Variants in NKX6-3 observed in about 807,000 individuals in gnomAD.
NKX6-3 encodes the protein NK6 homeobox 3.
Under a neutral mutation model 22.0 loss-of-function variants are expected in NKX6-3, and 17 were observed. The observed-to-expected ratio is 0.77, with a 90% confidence interval of 0.53 to 1.16. The LOEUF (loss-of-function observed/expected upper bound fraction) is 1.16. Ranked by LOEUF, NKX6-3 falls within the 50% of genes most tolerant of loss-of-function variation. The pLI, the probability that NKX6-3 is intolerant of heterozygous loss-of-function variation, is 0.00. For missense variants in NKX6-3, 363 were observed against 359.0 expected (o/e 1.01, Z -0.09); for synonymous variants, 177 against 167.2 (o/e 1.06, Z -0.45).
chr8:41,647,401 A>G (rs1233892849), intron 2 of NKX6-3: 1 of 1,517,394 alleles, frequency 6.6e-7, no homozygotes, highest in African/African-American at 1.4e-5. Context: ...AAAGTGGGGA[A>G]AGTTGCCCCC....
chr8:41,647,914 G>A (rs922826062), intron 2 of NKX6-3, among the ~76,000 whole-genome samples, 152 bp downstream of exon 2: 3 of 152,196 alleles, frequency 2.0e-5, no homozygotes, highest in African/African-American at 7.2e-5. Context: ...ATTACCACAG[G>A]CTCCAGGGTT....
intron 2 of NKX6-3, chr8:41,647,068 T>A: frequency 9.5e-7 from 1 of 1,047,292 alleles, no homozygotes; most frequent in Non-Finnish European, 1.4e-6. Flanking sequence ...GGAAGGTGCT[T>A]ATGAGCAGTC....
In NKX6-3 at chr8:41,646,599, G is replaced by A. The variant is rs773487001; in HGVS notation, c.648C>T (p.Gly216=). 1 of 1,570,734 alleles carries A rather than the reference G, an allele frequency of 6.4e-7. No homozygotes were observed. Among genetic ancestry groups the A allele is most frequent in the South Asian group, 1.2e-5 (1 of 86,048 alleles). ...CCGAGGGTGCGCGGTCCCCGCCTGC[G>A]CCTGCACCCGCGCCGCCCGGGGCCC... ...TPRAPGGAGA[G]AGGDRAPSEN... is the part of the protein sequence containing the mutation. Residue 216 remains glycine (G), a synonymous_variant, in exon 3 of 3, where the codon GGC becomes GGT. Transcript: ENST00000518699.
chr8:41,647,215 A>G (rs1042541899), intron 2 of NKX6-3: 3 of 1,612,926 alleles, frequency 1.9e-6, no homozygotes, highest in Admixed American at 3.3e-5. Context: ...AAAGACATGC[A>G]GGAGTGTCTG....
At chr8:41,648,026 C>T (rs1804247057) in intron 2 of NKX6-3, 40 bp downstream of exon 2, 1 of 1,490,102 alleles carries the variant, frequency 6.7e-7, no homozygotes, top group South Asian at 1.3e-5. Context: ...CCGGCAGGCT[C>T]CTCCCTGCAG....
chr8:41,650,215 TG>T lies in NKX6-3; in HGVS notation c.277del (p.Gln93ArgfsTer2). The T allele has an allele frequency of 1.3e-6, 2 of 1,534,052 alleles. No individual in the cohort carries two copies. On this transcript the variant is annotated frameshift_variant, in exon 1 of 3. Transcript: ENST00000518699. LOFTEE classifies it high-confidence loss of function. ...CCCAGCCTTGGAAAAATTCCCTACC[TG>T]GGGGCTGTAGTAGACCCCCTGCGAG... ...LSSQGVYYSP[Q>X]VGNFSKAGNE...
chr8:41,647,744 C>CCCAGCTCTG (rs1222737234), intron 2 of NKX6-3, among the ~76,000 whole-genome samples: 1 of 152,044 alleles, frequency 6.6e-6, no homozygotes, highest in Non-Finnish European at 1.5e-5. Context: ...GGGGTTGAAC[C>CCCAGCTCTG]CCAGCTCTGC....
rs1804185138 is a variant in NKX6-3, at chr8:41,645,654, C to T, written c.*795G>A. Reference sequence around the variant, plus strand: ...TGGGCACACCGTCCCCGCCTCCCCTCTCCCTGCACCCTCCCCTTTTCCCCG... The same window carrying T: ...TGGGCACACCGTCCCCGCCTCCCCTTTCCCTGCACCCTCCCCTTTTCCCCG... On this transcript the variant is annotated 3_prime_UTR_variant, in exon 3 of 3. Coordinates refer to ENST00000518699, the MANE Select transcript of NKX6-3 (RefSeq NM_001364841.2). 1 of 152,538 alleles carries T rather than the reference C, an allele frequency of 6.6e-6. No individual in the cohort carries two copies. The highest frequency in any genetic ancestry group is 1.5e-5 in the Non-Finnish European group (1 of 68,242). 9.4% of individuals were successfully genotyped at this position (152,538 alleles called of 1,614,324 possible).
At chr8:41,649,979 C>T (rs1408231596) in intron 1 of NKX6-3, 132 bp downstream of exon 1, 7 of 968,000 alleles carry the variant, frequency 7.2e-6, no homozygotes, top group Non-Finnish European at 1.0e-5. Context: ...GCTGAGGCTA[C>T]GAGTCCAGGG....
At position 41,650,449 on chromosome 8, in the gene NKX6-3, G is replaced by A. The variant is rs554484309; in HGVS notation, c.44C>T (p.Pro15Leu). 2 of 1,535,684 alleles carry A rather than the reference G, an allele frequency of 1.3e-6. No homozygotes were observed. Among genetic ancestry groups the A allele is most frequent in the African/African-American group, 1.4e-5 (1 of 73,160 alleles). Residue 15 changes from proline to leucine, a missense_variant, in exon 1 of 3, where the codon CCG (proline) becomes CTG (leucine). Physicochemically the swap from Pro to Leu is moderately conservative, Grantham distance 98. This residue lies in a region of NKX6-3 where 175 missense variants were observed against 160.9 expected (regional missense o/e 1.09). Coordinates refer to ENST00000518699, the MANE Select transcript of NKX6-3 (RefSeq NM_001364841.2). ...CTTCATCTCCGGAAACTGAGCCAGC[G>A]GCGTGTTGTTCAGCAGGAACGTCCC... ...LQGTFLLNNTPLAQFPEMKAP... is the reference protein window; with the variant it reads ...LQGTFLLNNTLLAQFPEMKAP...
chr8:41,646,226 C>T lies in NKX6-3; in HGVS notation c.*223G>A, dbSNP rs375791127. On this transcript the variant is annotated 3_prime_UTR_variant, in exon 3 of 3. Coordinates refer to ENST00000518699, the MANE Select transcript of NKX6-3 (RefSeq NM_001364841.2). ...TGCTGTGCCTCCCTCCTGGCCTCCTCCTCCCTTAGCTAGGATGCCTGTCCC... is the reference window on the plus strand; with the variant it reads ...TGCTGTGCCTCCCTCCTGGCCTCCTTCTCCCTTAGCTAGGATGCCTGTCCC... 43 of 629,580 alleles carry T rather than the reference C, an allele frequency of 6.8e-5. No homozygotes were observed. Among genetic ancestry groups the T allele is most frequent in the African/African-American group, 6.7e-4 (36 of 53,890 alleles). 39.0% of individuals were successfully genotyped at this position (629,580 alleles called of 1,614,324 possible).
At chr8:41,650,021 G>T in intron 1 of NKX6-3, 90 bp downstream of exon 1, 1 of 1,374,294 alleles carries the variant, frequency 7.3e-7, no homozygotes, top group Non-Finnish European at 9.7e-7. Context: ...GGGCGGAGGT[G>T]CAGGGTGCCC....
intron 2 of NKX6-3, chr8:41,647,452 T>G: frequency 7.5e-7 from 1 of 1,328,652 alleles, no homozygotes; most frequent in Non-Finnish European, 1.0e-6. Flanking sequence ...CGGGTCTATT[T>G]AGGGGGCATT....
At chr8:41,649,459 T>A (rs1804271710) in intron 1 of NKX6-3, among the ~76,000 whole-genome samples, 1 of 152,112 alleles carries the variant, frequency 6.6e-6, no homozygotes, top group South Asian at 2.1e-4. Flanking sequence ...GGGCCCACCC[T>A]CTGAAAACCT....
rs1328784856 is a variant in NKX6-3, at chr8:41,646,656, C to T, written c.591G>A (p.Lys197=). The T allele has an allele frequency of 6.5e-7, 1 of 1,545,940 alleles. No individual in the cohort carries two copies. The highest frequency in any genetic ancestry group is 8.7e-7 in the Non-Finnish European group (1 of 1,146,808). Residue 197 remains lysine, a synonymous_variant, in exon 3 of 3, where the codon AAG becomes AAA. Transcript: ENST00000518699. ...TGGAGGACGAGGGCTCCAGGGCGCT[C>T]TTCTTCCGCCACTTGGTCCTGCGGT... The part of the protein sequence containing the change: ...FQNRRTKWRK[K]SALEPSSSTP...
rs1376397939 is a variant in NKX6-3 at position 41,646,597 on chromosome 8, G to A, written c.650C>T (p.Ala217Val). 6.3e-7 allele frequency: 1 copy of A among 1,575,348 alleles called. No individual in the cohort carries two copies. The highest frequency in any genetic ancestry group is 1.3e-5 in the African/African-American group (1 of 74,088). ...CTCCGAGGGTGCGCGGTCCCCGCCTGCGCCTGCACCCGCGCCGCCCGGGGC... is the reference window on the plus strand; with the variant it reads ...CTCCGAGGGTGCGCGGTCCCCGCCTACGCCTGCACCCGCGCCGCCCGGGGC... ...PRAPGGAGAG[A>V]GGDRAPSENE... The change falls in exon 3 of 3, where the codon GCA becomes GTA. Residue 217 changes from alanine to valine, a missense_variant. By Grantham distance (64) the Ala-to-Val change is moderately conservative. Coordinates refer to ENST00000518699, the MANE Select transcript of NKX6-3 (RefSeq NM_001364841.2).
At position 41,646,545 on chromosome 8, in the gene NKX6-3, C is replaced by A. The variant is rs770487080; in HGVS notation, c.702G>T (p.Pro234=). 6 of 1,611,210 alleles carry A rather than the reference C, an allele frequency of 3.7e-6. No homozygotes were observed. The highest frequency in any genetic ancestry group is 2.7e-5 in the African/African-American group (2 of 74,884). The change falls in exon 3 of 3, where the codon CCG becomes CCT. Residue 234 remains proline (P), a synonymous_variant. Transcript: ENST00000518699. ...SENEDDEYNK[P]LDPDSDDEKI... ...TCTCGTCGTCCGAGTCGGGGTCCAG[C>A]GGCTTGTTGTACTCGTCGTCCTCGT...
At chr8:41,648,313 C>T in intron 1 of NKX6-3, 78 bp from the exon 2 acceptor site, 2 of 1,255,306 alleles carry the variant, frequency 1.6e-6, no homozygotes, top group South Asian at 1.5e-5. Context: ...AGGGCAACCA[C>T]CATGCCTGCC....
intron 2 of NKX6-3, chr8:41,647,442 C>CG (rs35659384): frequency 0.54 from 744,938 of 1,377,986 alleles, 204,813 homozygotes; most frequent in South Asian, 0.55. Flanking sequence ...CCGGTTTCCC[C>CG]GGGTCTATTT....
Sources: gnomAD v4.1 joint callset for allele counts (sites outside exome capture counted in the v4.1 genomes callset) on GRCh38, gnomAD v4.1.1 for gene constraint, gnomAD v4.1.1 regional missense constraint, MANE v1.5 for transcripts, NCBI Gene and HGNC (gene_info 2026-07-23, HGNC 2026-07-21) for gene names.